The following THSD4 variants were observed in gnomAD, a reference collection of about 807,000 sequenced individuals.
The protein encoded by THSD4 is thrombospondin type-1 domain-containing protein 4.
THSD4 carries 69 observed loss-of-function variants against 119.0 expected under a neutral mutation model. The ratio of observed to expected loss-of-function variants is 0.58; its 90% CI spans 0.48 to 0.71. The LOEUF (loss-of-function observed/expected upper bound fraction) is 0.71. Among genes scored for constraint, THSD4 ranks in the 30% least tolerant of loss-of-function variants. THSD4 has a pLI of 0.00. For synonymous variants in THSD4, 524 were observed against 540.4 expected, an observed-to-expected ratio of 0.97 and a Z score of 0.42; for missense variants, 1,393 against 1,391.1, an observed-to-expected ratio of 1.00 and a Z score of -0.02.
chr15:71,502,176 G>T (rs1471335871), intron 7 of THSD4, among the ~76,000 whole-genome samples: 1 of 152,220 alleles, frequency 6.6e-6, no homozygotes, highest in Non-Finnish European at 1.5e-5. Flanking sequence ...GGTTAGAGTT[G>T]ATATAGTTAC....
intron 6 of THSD4, among the ~76,000 whole-genome samples, chr15:71,347,354 A>G (rs1276045370): frequency 2.0e-5 from 3 of 151,904 alleles, no homozygotes; most frequent in African/African-American, 7.3e-5. Flanking sequence ...ACCCTCCCTC[A>G]TATGTGGATG....
chr15:71,738,136 G>A, intron 11 of THSD4, 129 bp downstream of exon 11: 4 of 1,260,424 alleles, frequency 3.2e-6, no homozygotes, highest in Non-Finnish European at 4.3e-6. Context: ...ATTTCTCCAT[G>A]GATGGTGGCG....
At chr15:71,105,672 ACTT>A (rs1385697865) in intron 1 of THSD4, among the ~76,000 whole-genome samples, 1 of 152,128 alleles carries the variant, frequency 6.6e-6, no homozygotes, top group Non-Finnish European at 1.5e-5. Context: ...GACCAAATAT[ACTT>A]CTTATCACAC....
intron 3 of THSD4, among the ~76,000 whole-genome samples, chr15:71,188,278 A>G (rs1425248472): frequency 6.6e-6 from 1 of 152,138 alleles, no homozygotes; most frequent in Non-Finnish European, 1.5e-5. Context: ...TGATGACTCA[A>G]AAAAGGGGAG....
In THSD4 at chr15:71,783,127, G is replaced by A. The variant is rs2054022372; in HGVS notation, c.*5753G>A. 1 of 152,198 alleles carries A rather than the reference G, an allele frequency of 6.6e-6. No homozygotes were observed. Among genetic ancestry groups the A allele is most frequent in the South Asian group, 2.1e-4 (1 of 4,830 alleles). 9.4% of individuals were successfully genotyped at this position (152,198 alleles called of 1,614,324 possible). The stretch of plus-strand genomic sequence containing the variant: ...CCGTCACCTCCATGTCCCCTCTACA[G>A]TGTTAAATTATTACATAAGCAGGTG... On this transcript the variant is annotated 3_prime_UTR_variant, in exon 18 of 18. Coordinates refer to ENST00000261862, the MANE Select transcript of THSD4 (RefSeq NM_024817.3).
At chr15:71,513,122 G>T (rs2048307230) in intron 7 of THSD4, among the ~76,000 whole-genome samples, 1 of 146,564 alleles carries the variant, frequency 6.8e-6, no homozygotes, top group African/African-American at 2.4e-5. Context: ...TGGGAGACCA[G>T]ACATCCACAC....
chr15:71,320,305 A>G (rs1302934096), intron 6 of THSD4, among the ~76,000 whole-genome samples: 4 of 152,240 alleles, frequency 2.6e-5, no homozygotes, highest in African/African-American at 9.6e-5. Flanking sequence ...TTTGGAATGT[A>G]CTAAAGACTG....
intron 7 of THSD4, among the ~76,000 whole-genome samples, chr15:71,471,437 T>A (rs1260056396): frequency 2.0e-5 from 3 of 152,050 alleles, no homozygotes. Flanking sequence ...CTTACTCACC[T>A]AGGCCAGCCC....
intron 7 of THSD4, among the ~76,000 whole-genome samples, chr15:71,640,848 G>C (rs567592266): frequency 6.6e-6 from 1 of 152,274 alleles, no homozygotes; most frequent in Non-Finnish European, 1.5e-5. Context: ...GAGCAGGGAT[G>C]TAACATATGC....
At chr15:71,665,112 C>T (rs1183659261) in intron 8 of THSD4, among the ~76,000 whole-genome samples, 1 of 152,192 alleles carries the variant, frequency 6.6e-6, no homozygotes, top group Admixed American at 6.5e-5. Context: ...TTTCCAGCAA[C>T]AGTGTATAAG....
intron 7 of THSD4, among the ~76,000 whole-genome samples, chr15:71,471,328 G>A (rs75525307): frequency 0.024 from 3,652 of 152,272 alleles, 69 homozygotes; most frequent in South Asian, 0.064. Context: ...AGGGACAGGT[G>A]ACAGAGTTTC....
chr15:71,382,342 A>C (rs2046239280), intron 6 of THSD4, among the ~76,000 whole-genome samples: 1 of 152,204 alleles, frequency 6.6e-6, no homozygotes, highest in Non-Finnish European at 1.5e-5. Flanking sequence ...TTCTTCTTTT[A>C]ACAGAGAGGA....
At chr15:71,470,193 C>T (rs982791884) in intron 7 of THSD4, among the ~76,000 whole-genome samples, 5 of 151,898 alleles carry the variant, frequency 3.3e-5, no homozygotes, top group Admixed American at 3.3e-4. Flanking sequence ...AGAAGTGATT[C>T]ATAATTACTA....
intron 3 of THSD4, among the ~76,000 whole-genome samples, chr15:71,179,928 T>G: frequency 1.5e-5 from 1 of 65,880 alleles, no homozygotes; most frequent in Admixed American, 1.8e-4. Flanking sequence ...CACTCATAGG[T>G]GGGAATTGAA....
chr15:71,287,995 C>T (rs995162193), intron 6 of THSD4, among the ~76,000 whole-genome samples: 13 of 152,238 alleles, frequency 8.5e-5, no homozygotes, highest in East Asian at 7.7e-4. Flanking sequence ...TTATACACGA[C>T]GCGCAACATG....
intron 8 of THSD4, among the ~76,000 whole-genome samples, chr15:71,700,592 G>A (rs190262657): frequency 5.9e-5 from 9 of 152,122 alleles, no homozygotes; most frequent in Admixed American, 5.2e-4. Flanking sequence ...ATCTAGAAGA[G>A]CAAATGTTCA....
chr15:71,264,588 T>C (rs2044442994), intron 6 of THSD4, among the ~76,000 whole-genome samples: 1 of 152,208 alleles, frequency 6.6e-6, no homozygotes, highest in Admixed American at 6.5e-5. Context: ...TTCTGAAGTT[T>C]AGGGAGATAT....
intron 6 of THSD4, among the ~76,000 whole-genome samples, chr15:71,315,687 A>G (rs539002975): frequency 2.0e-5 from 3 of 152,358 alleles, no homozygotes; most frequent in Admixed American, 2.0e-4. Flanking sequence ...ATAAATCTCT[A>G]GACCAGGGAT....
At chr15:71,276,598 C>T (rs946280658) in intron 6 of THSD4, among the ~76,000 whole-genome samples, 1 of 152,148 alleles carries the variant, frequency 6.6e-6, no homozygotes, top group East Asian at 1.9e-4. Flanking sequence ...TTCAATCTTT[C>T]CAATCATGGT....
Sources: gnomAD v4.1 joint callset for allele counts (sites outside exome capture counted in the v4.1 genomes callset) on GRCh38, gnomAD v4.1.1 for gene constraint, MANE v1.5 for transcripts, NCBI Gene and HGNC (gene_info 2026-07-23, HGNC 2026-07-21) for gene names.